LRP1B: variants seen among roughly 807,000 people sequenced by gnomAD.
LRP1B encodes low-density lipoprotein receptor-related protein 1B.
LRP1B carries 217 observed loss-of-function variants against 556.6 expected under a neutral mutation model. That is an observed-to-expected ratio of 0.39 (90% CI 0.35 to 0.44). The LOEUF is 0.44. Ranked by LOEUF, LRP1B falls within the 20% of genes least tolerant of loss-of-function variation. The pLI, the probability that LRP1B is intolerant of heterozygous loss-of-function variation, is 1.00. For synonymous variants in LRP1B, 2,047 were observed against 1,865.8 expected (o/e 1.10, Z -2.50); for missense variants, 5,053 against 5,620.8 (o/e 0.90, Z 3.23).
At chr2:141,878,381 A>C (rs1240715110) in intron 1 of LRP1B, among the ~76,000 whole-genome samples, 4 of 151,970 alleles carry the variant, frequency 2.6e-5, no homozygotes, top group African/African-American at 7.2e-5. Context: ...ACAACAACAA[A>C]AAAAACAAAA....
intron 51 of LRP1B, among the ~76,000 whole-genome samples, chr2:140,510,434 G>T (rs1033339010): frequency 6.6e-6 from 1 of 152,088 alleles, no homozygotes; most frequent in Non-Finnish European, 1.5e-5. Context: ...TGCTTAATAC[G>T]TGCTAAGCAC....
At chr2:141,336,254 A>C (rs1341031909) in intron 3 of LRP1B, among the ~76,000 whole-genome samples, 1 of 152,150 alleles carries the variant, frequency 6.6e-6, no homozygotes, top group Non-Finnish European at 1.5e-5. Flanking sequence ...GTTCCCCAGA[A>C]TTATAAGTTT....
At chr2:141,267,875 C>A (rs191482996) in intron 3 of LRP1B, among the ~76,000 whole-genome samples, 1 of 152,030 alleles carries the variant, frequency 6.6e-6, no homozygotes, top group African/African-American at 2.4e-5. Context: ...GTTGGGTTAG[C>A]GGAGGTTTGG....
intron 1 of LRP1B, among the ~76,000 whole-genome samples, chr2:141,966,022 C>G (rs903522739): frequency 6.6e-6 from 1 of 151,696 alleles, no homozygotes; most frequent in African/African-American, 2.4e-5. Flanking sequence ...GGTTTTAAAT[C>G]AACACGCATC....
chr2:140,705,521 C>CAAAAAAAAA (rs565447198), intron 37 of LRP1B, among the ~76,000 whole-genome samples: 35 of 68,212 alleles, frequency 5.1e-4, no homozygotes, highest in East Asian at 5.8e-4. Context: ...GAGACTGTCT[C>CAAAAAAAAA]AAAAAAAAAA....
intron 87 of LRP1B, among the ~76,000 whole-genome samples, chr2:140,245,248 T>C (rs1244944975): frequency 1.3e-5 from 2 of 151,408 alleles, no homozygotes; most frequent in Admixed American, 1.3e-4. Flanking sequence ...ACTTTAGAAC[T>C]GTTGCATGTA....
intron 2 of LRP1B, among the ~76,000 whole-genome samples, chr2:141,620,527 C>T (rs550047235): frequency 2.6e-5 from 4 of 152,250 alleles, no homozygotes; most frequent in Non-Finnish European, 5.9e-5. Flanking sequence ...TCATTACAGA[C>T]ATATTGGATA....
chr2:140,444,444 G>T lies in LRP1B; in HGVS notation c.10180C>A (p.His3394Asn). The T allele has an allele frequency of 2.5e-6, 4 of 1,613,986 alleles. No individual in the cohort carries two copies. The highest frequency in any genetic ancestry group is 3.4e-6 in the Non-Finnish European group (4 of 1,179,914). The change falls in exon 65 of 91, where the codon CAT becomes AAT. Residue 3394 changes from histidine (H) to asparagine (N), a missense_variant. Physicochemically the swap from His to Asn is moderately conservative, Grantham distance 68. Coordinates refer to ENST00000389484, the MANE Select transcript of LRP1B (RefSeq NM_018557.3). ...DNSDELNCDT[H>N]VCLSGQFKCT... ...TTGAATTGACCTGACAGGCAGACAT[G>T]TGTGTCTAGAACATAGAAGGAGAGA...
chr2:140,870,520 C>T lies in LRP1B; in HGVS notation c.4170-2257G>A, dbSNP rs144891922. ...TTAGTAATCCTGTATGCCTTTTCTTCTGCTAATTTGCTGCCAGTTTATTTC... is the reference window on the plus strand; with the variant it reads ...TTAGTAATCCTGTATGCCTTTTCTTTTGCTAATTTGCTGCCAGTTTATTTC... On this transcript the variant is annotated intron_variant, in intron 25 of 90. Coordinates refer to ENST00000389484, the MANE Select transcript of LRP1B (RefSeq NM_018557.3). Among the ~76,000 whole-genome samples, 664 of 152,190 alleles carry T rather than the reference C, an allele frequency of 4.4e-3. 7 individuals are homozygous for T. Among genetic ancestry groups the T allele is most frequent in the African/African-American group, 0.015 (610 of 41,530 alleles).
rs1443727184 is a variant in LRP1B, at chr2:140,506,804, G to A, written c.8513C>T (p.Pro2838Leu). The change falls in exon 53 of 91, where the codon CCG becomes CTG. Residue 2838 changes from proline to leucine, a missense_variant. By Grantham distance (98) the Pro-to-Leu change is moderately conservative (BLOSUM62 -3). Around this residue, in one of 5 missense-constraint regions of LRP1B, gnomAD observed 3,619 missense variants for 3,931.9 expected, o/e 0.92. Coordinates refer to ENST00000389484, the MANE Select transcript of LRP1B (RefSeq NM_018557.3). Reference protein sequence around the residue: ...DDCGDGSDESPQCGYRQCGTE... With the variant: ...DDCGDGSDESLQCGYRQCGTE... ...GTTTTAGATGTACTTACCACACTGC[G>A]GTGACTCATCAGAGCCATCTCCACA... 7.4e-6 allele frequency: 12 copies of A among 1,612,732 alleles called. No individual in the cohort carries two copies. Among genetic ancestry groups the A allele is most frequent in the Admixed American group, 3.3e-5 (2 of 59,844 alleles).
At chr2:141,450,416 TTGGTATA>T in intron 3 of LRP1B, among the ~76,000 whole-genome samples, 1 of 152,236 alleles carries the variant, frequency 6.6e-6, no homozygotes, top group Non-Finnish European at 1.5e-5. Flanking sequence ...TTATAATAGT[TTGGTATA>T]TGGAGTTGTG....
At chr2:140,262,056 A>C (rs1392244588) in intron 86 of LRP1B, among the ~76,000 whole-genome samples, 3 of 152,024 alleles carry the variant, frequency 2.0e-5, no homozygotes, top group Non-Finnish European at 4.4e-5. Flanking sequence ...AATTTCTCAG[A>C]AGAATTACTA....
chr2:140,602,204 T>TTA (rs1553496223), intron 41 of LRP1B, among the ~76,000 whole-genome samples: 1 of 150,698 alleles, frequency 6.6e-6, no homozygotes, highest in South Asian at 2.1e-4. Flanking sequence ...ACTAATGAGA[T>TTA]AAAAAAAAAC....
At chr2:141,762,123 C>A (rs1476824583) in intron 2 of LRP1B, among the ~76,000 whole-genome samples, 1 of 151,452 alleles carries the variant, frequency 6.6e-6, no homozygotes, top group Admixed American at 6.6e-5. Flanking sequence ...TGGTTATCCA[C>A]TGATTGGGTG....
intron 3 of LRP1B, among the ~76,000 whole-genome samples, chr2:141,370,390 C>T (rs1689187614): frequency 6.6e-6 from 1 of 152,104 alleles, no homozygotes; most frequent in Admixed American, 6.6e-5. Flanking sequence ...TCACATTTCC[C>T]TGGTGATTAA....
chr2:140,661,709 G>A (rs1685100229), intron 41 of LRP1B, among the ~76,000 whole-genome samples: 1 of 152,056 alleles, frequency 6.6e-6, no homozygotes, highest in Admixed American at 6.6e-5. Context: ...TCCCATGAGT[G>A]AGCAATGTAG....
At chr2:140,601,142 G>T (rs1453373672) in intron 42 of LRP1B, among the ~76,000 whole-genome samples, 1 of 149,702 alleles carries the variant, frequency 6.7e-6, no homozygotes, top group Non-Finnish European at 1.5e-5. Flanking sequence ...TAAATATATG[G>T]TTCCAATCAG....
intron 2 of LRP1B, among the ~76,000 whole-genome samples, chr2:141,613,170 T>A (rs1027977695): frequency 5.3e-5 from 8 of 152,112 alleles, no homozygotes; most frequent in African/African-American, 1.9e-4. Context: ...TTGTGACAAT[T>A]GCCTGTTAAA....
In LRP1B at chr2:141,015,745, G is replaced by A. The variant is rs1697882403; in HGVS notation, c.2141C>T (p.Ala714Val). ...FHTNTLYWCD[A>V]YYDHIEKVFL... ...TACTTTTTCAATATGATCGTAATAG[G>A]CATCACACCAGTATAATGTGTTGGT... The change falls in exon 13 of 91, where the codon GCC becomes GTC. Residue 714 changes from alanine (A) to valine (V), a missense_variant. Ala to Val is a moderately conservative substitution (Grantham distance 64). Coordinates refer to ENST00000389484, the MANE Select transcript of LRP1B (RefSeq NM_018557.3). 2 of 1,612,994 alleles carry A rather than the reference G, an allele frequency of 1.2e-6. No homozygotes were observed. The highest frequency in any genetic ancestry group is 1.7e-6 in the Non-Finnish European group (2 of 1,179,562).
Sources: allele counts gnomAD v4.1 joint callset (sites outside exome capture counted in the v4.1 genomes callset), GRCh38; gene constraint gnomAD v4.1.1; regional missense constraint gnomAD v4.1.1; transcripts MANE v1.5; gene names NCBI Gene and HGNC (gene_info 2026-07-23, HGNC 2026-07-21).